The following QTMAN variants were observed in gnomAD, a reference collection of about 807,000 sequenced individuals.
The protein encoded by QTMAN is queuosine-tRNA mannosyltransferase, also known as tRNA-queuosine alpha-mannosyltransferase.
the QTMAN span, among the ~76,000 whole-genome samples, chr2:144,182,808 A>AATAT: frequency 1.3e-4 from 7 of 52,504 alleles, no homozygotes; most frequent in South Asian, 4.3e-4. Context: ...TTATATATAT[A>AATAT]ATATATATAT....
the QTMAN span, among the ~76,000 whole-genome samples, chr2:144,241,634 C>T: frequency 2.0e-5 from 3 of 152,260 alleles, no homozygotes; most frequent in East Asian, 5.8e-4. Flanking sequence ...TCTTGCTGAT[C>T]TTTCTTTTTT....
At chr2:144,082,272 G>C in the QTMAN span, among the ~76,000 whole-genome samples, 2 of 152,052 alleles carry the variant, frequency 1.3e-5, no homozygotes, top group Non-Finnish European at 2.9e-5. Context: ...GACTTACAAA[G>C]AAAAAAGAGC....
At chr2:144,053,901 A>G in the QTMAN span, among the ~76,000 whole-genome samples, 2 of 152,266 alleles carry the variant, frequency 1.3e-5, no homozygotes, top group East Asian at 3.9e-4. Context: ...GTTAAAACAA[A>G]ACCTGGCCGG....
chr2:144,237,923 G>C, the QTMAN span, among the ~76,000 whole-genome samples: 4 of 152,196 alleles, frequency 2.6e-5, no homozygotes, highest in Non-Finnish European at 5.9e-5. Context: ...AGGTACACAA[G>C]GCATCTTGCC....
the QTMAN span, among the ~76,000 whole-genome samples, chr2:144,068,324 G>GA: frequency 6.6e-6 from 1 of 151,836 alleles, no homozygotes; most frequent in Non-Finnish European, 1.5e-5. Flanking sequence ...AATGAAACTT[G>GA]AAAAAAATGA....
At chr2:144,171,130 T>C in the QTMAN span, among the ~76,000 whole-genome samples, 2 of 152,174 alleles carry the variant, frequency 1.3e-5, no homozygotes, top group Non-Finnish European at 2.9e-5. Context: ...AATATAATAA[T>C]GAAATGTGCT....
the QTMAN span, among the ~76,000 whole-genome samples, chr2:144,251,017 T>C: frequency 6.6e-6 from 1 of 152,116 alleles, no homozygotes; most frequent in Non-Finnish European, 1.5e-5. Context: ...AGTTAAAACA[T>C]TATAAGTTTA....
At chr2:144,281,285 T>C in the QTMAN span, among the ~76,000 whole-genome samples, 3 of 150,788 alleles carry the variant, frequency 2.0e-5, no homozygotes, top group African/African-American at 7.3e-5. Flanking sequence ...TCAGAGATTC[T>C]ACTTGCTACA....
chr2:143,978,584 A>G, the QTMAN span, among the ~76,000 whole-genome samples: 2 of 152,304 alleles, frequency 1.3e-5, no homozygotes, highest in East Asian at 3.9e-4. Context: ...CCCATGCCTC[A>G]AAGAACTGGT....
chr2:144,313,139 T>C, the QTMAN span, among the ~76,000 whole-genome samples: 46 of 152,278 alleles, frequency 3.0e-4, no homozygotes, highest in African/African-American at 9.6e-4. Context: ...AAAGGTCCAT[T>C]TGGGGAGAAA....
At chr2:144,061,305 T>A in the QTMAN span, among the ~76,000 whole-genome samples, 1 of 152,188 alleles carries the variant, frequency 6.6e-6, no homozygotes, top group African/African-American at 2.4e-5. Context: ...TGTATGAAAA[T>A]TTGACTGAAC....
At chr2:144,225,570 C>T in the QTMAN span, among the ~76,000 whole-genome samples, 1 of 152,150 alleles carries the variant, frequency 6.6e-6, no homozygotes, top group African/African-American at 2.4e-5. Flanking sequence ...ATACTAAAAC[C>T]ATTCTATTTT....
At chr2:144,068,094 A>G in the QTMAN span, among the ~76,000 whole-genome samples, 1 of 152,234 alleles carries the variant, frequency 6.6e-6, no homozygotes, top group Non-Finnish European at 1.5e-5. Flanking sequence ...TATATCATTA[A>G]AAGGGTTATA....
the QTMAN span, chr2:144,211,570 G>A: frequency 6.6e-6 from 1 of 152,560 alleles, no homozygotes; most frequent in Non-Finnish European, 1.5e-5. Flanking sequence ...TGGTCTTCTT[G>A]AAGCACAATC....
the QTMAN span, among the ~76,000 whole-genome samples, chr2:144,313,918 A>G: frequency 9.2e-5 from 14 of 152,098 alleles, no homozygotes; most frequent in East Asian, 2.5e-3. Flanking sequence ...AGACATCTAC[A>G]AACTTGAACT....
chr2:144,250,376 T>A, the QTMAN span, among the ~76,000 whole-genome samples: 1 of 151,976 alleles, frequency 6.6e-6, no homozygotes, highest in Admixed American at 6.6e-5. Flanking sequence ...ACTCCTGAAC[T>A]CATGTGCCTG....
the QTMAN span, among the ~76,000 whole-genome samples, chr2:144,148,707 A>C: frequency 1.3e-5 from 2 of 151,868 alleles, no homozygotes; most frequent in Non-Finnish European, 2.9e-5. Flanking sequence ...CCGTAACCAA[A>C]GAATTCAACC....
At chr2:144,010,137 G>T in the QTMAN span, among the ~76,000 whole-genome samples, 1 of 151,010 alleles carries the variant, frequency 6.6e-6, no homozygotes, top group East Asian at 2.0e-4. Context: ...ACAGTATCAT[G>T]ACCCATCTTA....
the QTMAN span, chr2:143,947,153 G>C: frequency 6.4e-7 from 1 of 1,574,438 alleles, no homozygotes. Context: ...GAGGAGGAGG[G>C]AGAGAAGAGA....
Sources: gnomAD v4.1 joint callset for allele counts (sites outside exome capture counted in the v4.1 genomes callset) on GRCh38, gnomAD v4.1.1 for gene constraint, MANE v1.5 for transcripts, NCBI Gene and HGNC (gene_info 2026-07-23, HGNC 2026-07-21) for gene names.